Variants in CERS6 observed in about 807,000 individuals in gnomAD.
CERS6 encodes LAG1 homolog, ceramide synthase 6.
CERS6 carries 26 observed loss-of-function variants against 56.8 expected under a neutral mutation model. That is an observed-to-expected ratio of 0.46 (90% CI 0.34 to 0.63). The LOEUF is 0.63. CERS6 is among the 30% of genes least tolerant of loss of function. CERS6 has a pLI of 0.01. For missense variants in CERS6, 415 were observed against 467.5 expected, an observed-to-expected ratio of 0.89 and a Z score of 1.04; for synonymous variants, 164 against 173.3, an observed-to-expected ratio of 0.95 and a Z score of 0.42.
At chr2:168,503,605 T>G (rs1694622871) in intron 1 of CERS6, among the ~76,000 whole-genome samples, 1 of 152,138 alleles carries the variant, frequency 6.6e-6, no homozygotes, top group African/African-American at 2.4e-5. Context: ...GTTCTTGAGC[T>G]ATGGAGTCTG....
At chr2:168,482,842 G>T (rs1203567123) in intron 1 of CERS6, among the ~76,000 whole-genome samples, 1 of 152,148 alleles carries the variant, frequency 6.6e-6, no homozygotes, top group Non-Finnish European at 1.5e-5. Context: ...TCTCTAAATC[G>T]AAATAAAAAC....
chr2:168,594,362 A>G (rs1352438777), intron 3 of CERS6, among the ~76,000 whole-genome samples: 1 of 152,158 alleles, frequency 6.6e-6, no homozygotes, highest in Non-Finnish European at 1.5e-5. Context: ...AGGCAGGTGG[A>G]TTGCTTGAGC....
chr2:168,580,459 G>T (rs534924408), intron 3 of CERS6, among the ~76,000 whole-genome samples: 1 of 152,038 alleles, frequency 6.6e-6, no homozygotes. Context: ...AAAATCCAAG[G>T]TGTTTAGAGT....
intron 8 of CERS6, among the ~76,000 whole-genome samples, chr2:168,721,668 G>T (rs1444403997): frequency 6.7e-6 from 1 of 149,516 alleles, no homozygotes; most frequent in African/African-American, 2.5e-5. Context: ...GGCCAGGCTG[G>T]GCTACAGTGA....
At chr2:168,647,806 A>T (rs1444772929) in intron 4 of CERS6, among the ~76,000 whole-genome samples, 1 of 152,136 alleles carries the variant, frequency 6.6e-6, no homozygotes, top group East Asian at 1.9e-4. Flanking sequence ...TATGTGATGG[A>T]TCACATTTAT....
chr2:168,741,446 C>T (rs1683904081), intron 8 of CERS6, among the ~76,000 whole-genome samples: 1 of 151,642 alleles, frequency 6.6e-6, no homozygotes, highest in East Asian at 1.9e-4. Context: ...AATCTTTTGG[C>T]TTCCCTGGGC....
intron 6 of CERS6, among the ~76,000 whole-genome samples, chr2:168,696,523 T>C (rs1218793391): frequency 2.6e-5 from 4 of 152,234 alleles, no homozygotes; most frequent in Admixed American, 6.5e-5. Context: ...ATGCAATGTC[T>C]TAATCCAATT....
chr2:168,507,596 T>C (rs1396536659), intron 1 of CERS6, among the ~76,000 whole-genome samples: 1 of 152,174 alleles, frequency 6.6e-6, no homozygotes, highest in African/African-American at 2.4e-5. Context: ...CATGCTAGTG[T>C]ATGCCAGGTT....
chr2:168,545,904 T>C (rs1695457949), intron 1 of CERS6, among the ~76,000 whole-genome samples: 1 of 150,484 alleles, frequency 6.6e-6, no homozygotes, highest in Non-Finnish European at 1.5e-5. Flanking sequence ...AAGGGGAGGA[T>C]GAGGGAGGGC....
intron 1 of CERS6, among the ~76,000 whole-genome samples, chr2:168,502,418 A>G (rs1694599433): frequency 6.6e-6 from 1 of 152,166 alleles, no homozygotes; most frequent in African/African-American, 2.4e-5. Context: ...TAGAGGGTCA[A>G]GTATCCATAA....
intron 5 of CERS6, among the ~76,000 whole-genome samples, chr2:168,693,041 A>G (rs1364913667): frequency 1.3e-5 from 2 of 152,192 alleles, no homozygotes; most frequent in East Asian, 1.9e-4. Context: ...TATTTGTTAC[A>G]TATTAAATAA....
intron 1 of CERS6, among the ~76,000 whole-genome samples, chr2:168,519,057 G>T (rs1335040548): frequency 6.6e-6 from 1 of 152,162 alleles, no homozygotes; most frequent in Non-Finnish European, 1.5e-5. Context: ...AATCCTCCAG[G>T]AGATTGTGTT....
chr2:168,559,733 T>TTATATATATATATATATA (rs61031993), intron 2 of CERS6, among the ~76,000 whole-genome samples: 10,782 of 65,968 alleles, frequency 0.16, 3,399 homozygotes, highest in Middle Eastern at 0.29. Context: ...TAGAAAGGTA[T>TTATATATATATATATATA]CATATATATA....
chr2:168,479,851 G>A (rs1341954320), intron 1 of CERS6, among the ~76,000 whole-genome samples: 2 of 152,136 alleles, frequency 1.3e-5, no homozygotes, highest in Non-Finnish European at 2.9e-5. Flanking sequence ...AAGGTGATCT[G>A]CCCGCCTCGG....
In CERS6 at chr2:168,462,305, A is replaced by AT. The variant is rs1310127298; in HGVS notation, c.170+5693dup. Among the ~76,000 whole-genome samples, 4 of 151,638 alleles carry AT rather than the reference A, an allele frequency of 2.6e-5. No homozygotes were observed. The East Asian group carries it at 7.8e-4, about 29-fold the overall frequency. On this transcript the variant is annotated intron_variant, in intron 1 of 9. Transcript: ENST00000305747. ...TGTCACTTAATTTTTCTTAGGAACC[A>AT]TTTTTTCATTTCGTTTTTTTTAAAG...
chr2:168,585,398 A>C (rs1331570156), intron 3 of CERS6, among the ~76,000 whole-genome samples: 1 of 152,250 alleles, frequency 6.6e-6, no homozygotes, highest in Non-Finnish European at 1.5e-5. Flanking sequence ...TTCTTCTGCT[A>C]TCCCTGTCTC....
At chr2:168,638,794 C>T (rs1324851215) in intron 4 of CERS6, among the ~76,000 whole-genome samples, 5 of 152,144 alleles carry the variant, frequency 3.3e-5, no homozygotes, top group Admixed American at 6.5e-5. Flanking sequence ...AATGGCATTT[C>T]AGATTGACAG....
chr2:168,737,198 A>G (rs1413769624), intron 8 of CERS6, among the ~76,000 whole-genome samples: 1 of 152,196 alleles, frequency 6.6e-6, no homozygotes, highest in African/African-American at 2.4e-5. Context: ...AGCTGTACTC[A>G]CTACAGTTGT....
chr2:168,550,242 TG>T (rs1368609320), intron 2 of CERS6, among the ~76,000 whole-genome samples: 1 of 152,170 alleles, frequency 6.6e-6, no homozygotes, highest in Non-Finnish European at 1.5e-5. Flanking sequence ...GTGGCATAAC[TG>T]TAGCACACTG....
Sources: allele counts gnomAD v4.1 joint callset (sites outside exome capture counted in the v4.1 genomes callset), GRCh38; gene constraint gnomAD v4.1.1; transcripts MANE v1.5; gene names NCBI Gene and HGNC (gene_info 2026-07-23, HGNC 2026-07-21).